TRPM6: variants seen among roughly 807,000 people sequenced by gnomAD.
The protein encoded by TRPM6 is transient receptor potential cation channel subfamily M member 6.
TRPM6 carries 111 observed loss-of-function variants against 247.6 expected under a neutral mutation model. The ratio of observed to expected loss-of-function variants is 0.45; its 90% CI spans 0.38 to 0.52. The LOEUF (loss-of-function observed/expected upper bound fraction) is 0.52, where lower values mean the gene tolerates loss of function less well. Ranked by LOEUF, TRPM6 falls within the 20% of genes least tolerant of loss-of-function variation. The pLI is 0.00. For synonymous variants in TRPM6, 892 were observed against 853.8 expected (o/e 1.04, Z -0.78); for missense variants, 2,126 against 2,421.5 (o/e 0.88, Z 2.56).
intron 36 of TRPM6, among the ~76,000 whole-genome samples, chr9:74,732,992 G>A (rs1458037054): frequency 6.6e-6 from 1 of 151,968 alleles, no homozygotes; most frequent in Non-Finnish European, 1.5e-5. Flanking sequence ...TTAAGAGTTC[G>A]AGACCAGCCT....
At chr9:74,726,759 G>T (rs968694689) in intron 38 of TRPM6, among the ~76,000 whole-genome samples, 1 of 152,080 alleles carries the variant, frequency 6.6e-6, no homozygotes, top group Admixed American at 6.5e-5. Flanking sequence ...TGAATGAGCC[G>T]GACTCCAGCC....
intron 1 of TRPM6, among the ~76,000 whole-genome samples, chr9:74,861,780 A>T (rs1158346212): frequency 2.0e-5 from 3 of 150,180 alleles, no homozygotes; most frequent in Non-Finnish European, 3.0e-5. Context: ...ACTTTGATGT[A>T]TTTTTTTTTT....
chr9:74,862,728 TC>T (rs1337956304), intron 1 of TRPM6, among the ~76,000 whole-genome samples: 2 of 152,204 alleles, frequency 1.3e-5, no homozygotes, highest in Non-Finnish European at 2.9e-5. Flanking sequence ...ACGCCTGTAA[TC>T]CCGGCACTTT....
intron 2 of TRPM6, among the ~76,000 whole-genome samples, chr9:74,856,395 ATGCCACTGTAC>A (rs902040977): frequency 6.6e-6 from 1 of 151,994 alleles, no homozygotes; most frequent in African/African-American, 2.4e-5. Context: ...AGCCAAGATC[ATGCCACTGTAC>A]TGCAACGTGG....
chr9:74,792,738 C>G lies in TRPM6; in HGVS notation c.2424G>C (p.Glu808Asp). ...CAAAATGCTGATTTTCATCCAGTTT[C>G]TCATCATGGCCCCTTTCCAAATCAT... ...KEYDLERGHD[E>D]KLDENQHFGL... The change falls in exon 19 of 39, where the codon GAG becomes GAC. Residue 808 changes from glutamate to aspartate, a missense_variant. Glu to Asp is a conservative substitution (Grantham distance 45). This residue lies in a region of TRPM6 where 1,082 missense variants were observed against 1,307.9 expected (regional missense o/e 0.83). Coordinates refer to ENST00000360774, the MANE Select transcript of TRPM6 (RefSeq NM_017662.5). The G allele has an allele frequency of 1.2e-6, 2 of 1,613,906 alleles. No homozygotes were observed. The highest frequency in any genetic ancestry group is 1.7e-6 in the Non-Finnish European group (2 of 1,179,778).
intron 27 of TRPM6, among the ~76,000 whole-genome samples, chr9:74,756,033 G>T (rs1826419694): frequency 6.6e-6 from 1 of 152,102 alleles, no homozygotes; most frequent in African/African-American, 2.4e-5. Flanking sequence ...ATACTTCCGA[G>T]CTGCAGAACA....
intron 27 of TRPM6, among the ~76,000 whole-genome samples, chr9:74,761,241 CTG>C (rs1413396826): frequency 9.2e-5 from 14 of 152,206 alleles, no homozygotes; most frequent in African/African-American, 2.7e-4. Flanking sequence ...CCATATGACT[CTG>C]ACATTCCGTT....
chr9:74,814,759 G>A (rs1417034424), intron 11 of TRPM6, among the ~76,000 whole-genome samples: 2 of 152,070 alleles, frequency 1.3e-5, no homozygotes, highest in African/African-American at 4.8e-5. Flanking sequence ...GACCAGCCTA[G>A]CCAACATGGC....
chr9:74,753,123 A>AAG (rs1826311969), intron 28 of TRPM6, among the ~76,000 whole-genome samples: 1 of 151,820 alleles, frequency 6.6e-6, no homozygotes, highest in South Asian at 2.1e-4. Flanking sequence ...AAAAAAAAAA[A>AAG]AAAAAAGAAA....
chr9:74,840,255 G>A lies in TRPM6; in HGVS notation c.331-18C>T, dbSNP rs1198356764. The A allele has an allele frequency of 6.4e-7, 1 of 1,551,900 alleles. No homozygotes were observed. The highest frequency in any genetic ancestry group is 8.9e-7 in the Non-Finnish European group (1 of 1,124,530). On this transcript the variant is annotated intron_variant, in intron 4 of 38. Transcript: ENST00000360774. Reference sequence around the variant, plus strand: ...CTAATATACTGCAAGAAAAGCACATGTAGGTGAACAGAACATTGTAAAAAA... The same window carrying A: ...CTAATATACTGCAAGAAAAGCACATATAGGTGAACAGAACATTGTAAAAAA...
At chr9:74,783,188 A>T (rs199725889) in intron 21 of TRPM6, among the ~76,000 whole-genome samples, 1 of 46,442 alleles carries the variant, frequency 2.2e-5, no homozygotes, top group East Asian at 4.1e-4. Flanking sequence ...TTAGGAAAAT[A>T]AAAAAAAAAA....
chr9:74,843,064 T>C (rs1829996659), intron 3 of TRPM6, among the ~76,000 whole-genome samples: 1 of 152,250 alleles, frequency 6.6e-6, no homozygotes, highest in Non-Finnish European at 1.5e-5. Flanking sequence ...GCCACTGTTT[T>C]ATCAACTAGG....
At chr9:74,887,603 G>A in intron 1 of TRPM6, 1 of 1,532,468 alleles carries the variant, frequency 6.5e-7, no homozygotes. Flanking sequence ...GGGGGCTGCG[G>A]GACCTGCCCT....
chr9:74,734,853 C>T (rs1825640177), intron 36 of TRPM6, among the ~76,000 whole-genome samples: 1 of 152,060 alleles, frequency 6.6e-6, no homozygotes, highest in Admixed American at 6.5e-5. Flanking sequence ...TCTGACAATC[C>T]AAAGATTAAC....
intron 5 of TRPM6, among the ~76,000 whole-genome samples, chr9:74,835,888 TC>T (rs1288285012): frequency 6.6e-6 from 1 of 151,996 alleles, no homozygotes; most frequent in Non-Finnish European, 1.5e-5. Context: ...AAACACAGCC[TC>T]CCCGACTATC....
At chr9:74,870,837 T>C (rs1262691707) in intron 1 of TRPM6, among the ~76,000 whole-genome samples, 1 of 151,980 alleles carries the variant, frequency 6.6e-6, no homozygotes, top group African/African-American at 2.4e-5. Flanking sequence ...GGCAGGAGAC[T>C]TGCTTGAATT....
chr9:74,884,294 T>A (rs1029301175), intron 1 of TRPM6, among the ~76,000 whole-genome samples: 1 of 151,554 alleles, frequency 6.6e-6, no homozygotes, highest in Non-Finnish European at 1.5e-5. Flanking sequence ...ATCAAGACCA[T>A]CCTGCATAAC....
chr9:74,758,390 G>C (rs1427653874), intron 27 of TRPM6, among the ~76,000 whole-genome samples: 1 of 151,990 alleles, frequency 6.6e-6, no homozygotes, highest in South Asian at 2.1e-4. Flanking sequence ...GAAAAGTTTA[G>C]CAAAATGAAT....
chr9:74,734,817 A>C (rs1226114825), intron 36 of TRPM6, among the ~76,000 whole-genome samples: 1 of 152,192 alleles, frequency 6.6e-6, no homozygotes, highest in Non-Finnish European at 1.5e-5. Context: ...AAGAGTATCC[A>C]CAAAACTTTA....
Sources: gnomAD v4.1 joint callset for allele counts (sites outside exome capture counted in the v4.1 genomes callset) on GRCh38, gnomAD v4.1.1 for gene constraint, gnomAD v4.1.1 regional missense constraint, MANE v1.5 for transcripts, NCBI Gene and HGNC (gene_info 2026-07-23, HGNC 2026-07-21) for gene names.